Variants in SERTM1 observed in about 807,000 individuals in gnomAD.
SERTM1 encodes the protein serine rich and transmembrane domain containing 1, also known as serine-rich and transmembrane domain-containing protein 1.
In SERTM1, 1 loss-of-function variant was observed where a neutral mutation model predicts 5.5. The ratio of observed to expected loss-of-function variants is 0.18; its 90% CI spans 0.06 to 0.86. SERTM1 has a LOEUF of 0.86. Among genes scored for constraint, SERTM1 ranks in the 40% least tolerant of loss-of-function variants. The pLI, the probability that SERTM1 is intolerant of heterozygous loss-of-function variation, is 0.69. For missense variants in SERTM1, 91 were observed against 122.4 expected, an observed-to-expected ratio of 0.74 and a Z score of 1.21; for synonymous variants, 52 against 55.1, an observed-to-expected ratio of 0.94 and a Z score of 0.25.
intron 1 of SERTM1, among the ~76,000 whole-genome samples, chr13:36,682,373 G>A (rs2056710674): frequency 6.6e-6 from 1 of 152,202 alleles, no homozygotes; most frequent in South Asian, 2.1e-4. Flanking sequence ...AATGTAGTAA[G>A]TATAATAAAA....
At chr13:36,683,962 C>T (rs904305893) in intron 1 of SERTM1, among the ~76,000 whole-genome samples, 1 of 152,200 alleles carries the variant, frequency 6.6e-6, no homozygotes, top group African/African-American at 2.4e-5. Context: ...TGAATTCCAG[C>T]CCTGCCTCTA....
At chr13:36,674,623 C>G (rs982816570) in intron 1 of SERTM1, among the ~76,000 whole-genome samples, 10 of 152,180 alleles carry the variant, frequency 6.6e-5, no homozygotes, top group African/African-American at 2.4e-4. Context: ...TTTGCTTTTG[C>G]CTTTGTGGTG....
intron 1 of SERTM1, among the ~76,000 whole-genome samples, chr13:36,692,765 C>A (rs1344705953): frequency 6.6e-6 from 1 of 152,218 alleles, no homozygotes; most frequent in Non-Finnish European, 1.5e-5. Flanking sequence ...CAGATAGGAA[C>A]TAATTATCCA....
chr13:36,685,745 G>C (rs1263524940), intron 1 of SERTM1, among the ~76,000 whole-genome samples: 1 of 152,172 alleles, frequency 6.6e-6, no homozygotes, highest in African/African-American at 2.4e-5. Flanking sequence ...CTAGTTATAA[G>C]AGTTGTAAGG....
intron 1 of SERTM1, among the ~76,000 whole-genome samples, chr13:36,686,073 C>T (rs1016427935): frequency 6.6e-6 from 1 of 152,152 alleles, no homozygotes; most frequent in African/African-American, 2.4e-5. Context: ...CCTGGAGGCC[C>T]AGATGAGATT....
rs991080108 is a variant in SERTM1, at chr13:36,675,164, C to T, written c.-174+980C>T. Among the ~76,000 whole-genome samples, 5 of 152,302 alleles carry T rather than the reference C, an allele frequency of 3.3e-5. No individual in the cohort carries two copies. In the East Asian group the frequency reaches 9.6e-4, roughly 29 times the overall value. On this transcript the variant is annotated intron_variant, in intron 1 of 1. Coordinates refer to ENST00000315190, the MANE Select transcript of SERTM1 (RefSeq NM_203451.3). The stretch of plus-strand genomic sequence containing the variant: ...ATGGGGTCTGTTTGTTAGTGTCCTT[C>T]ATTTCCTCTCCCTGTTAATTTTTCT...
intron 1 of SERTM1, among the ~76,000 whole-genome samples, chr13:36,679,870 A>G (rs1049559137): frequency 2.6e-5 from 4 of 152,214 alleles, no homozygotes; most frequent in African/African-American, 9.6e-5. Context: ...AATTGTTCAC[A>G]TGGGTGGCTA....
At chr13:36,682,763 A>G (rs1235566171) in intron 1 of SERTM1, among the ~76,000 whole-genome samples, 5 of 152,248 alleles carry the variant, frequency 3.3e-5, no homozygotes, top group Non-Finnish European at 7.3e-5. Flanking sequence ...GCTGGCAACT[A>G]TACAAATTAT....
At chr13:36,688,973 C>T (rs906847073) in intron 1 of SERTM1, among the ~76,000 whole-genome samples, 1 of 152,212 alleles carries the variant, frequency 6.6e-6, no homozygotes, top group South Asian at 2.1e-4. Flanking sequence ...CAAGATGGGT[C>T]CAGTCTCCCT....
chr13:36,679,516 T>C (rs1209048052), intron 1 of SERTM1, among the ~76,000 whole-genome samples: 1 of 152,184 alleles, frequency 6.6e-6, no homozygotes. Flanking sequence ...CAAGCGATTC[T>C]CCTGTCTCAG....
intron 1 of SERTM1, among the ~76,000 whole-genome samples, chr13:36,684,620 C>T (rs1252947431): frequency 6.6e-6 from 1 of 151,794 alleles, no homozygotes; most frequent in African/African-American, 2.4e-5. Context: ...CCTCTTTCCT[C>T]TCTCCTGTAC....
intron 1 of SERTM1, among the ~76,000 whole-genome samples, chr13:36,683,257 T>G (rs1344922356): frequency 6.6e-6 from 1 of 152,214 alleles, no homozygotes; most frequent in African/African-American, 2.4e-5. Flanking sequence ...TAGCTAAATC[T>G]CATGCCCTTA....
intron 1 of SERTM1, among the ~76,000 whole-genome samples, chr13:36,687,947 G>A (rs1038230983): frequency 6.6e-6 from 1 of 151,804 alleles, no homozygotes; most frequent in African/African-American, 2.4e-5. Flanking sequence ...TAGTTTACAT[G>A]CAAAGGATTA....
At position 36,697,152 on chromosome 13, in the gene SERTM1, A is replaced by C. The variant is rs988876027; in HGVS notation, c.*1750A>C. ...GCTGCCCTAAAATGTATAATTAGTG[A>C]AAAATTTACCTCTGCTTCCATTTAA... On this transcript the variant is annotated 3_prime_UTR_variant, in exon 2 of 2. Transcript: ENST00000315190. 3 of 166,942 alleles carry C rather than the reference A, an allele frequency of 1.8e-5. No homozygotes were observed. Among genetic ancestry groups the C allele is most frequent in the African/African-American group, 7.2e-5 (3 of 41,396 alleles). 10.3% of individuals were successfully genotyped at this position (166,942 alleles called of 1,614,324 possible).
chr13:36,686,794 G>T (rs1172992823), intron 1 of SERTM1, among the ~76,000 whole-genome samples: 1 of 151,924 alleles, frequency 6.6e-6, no homozygotes, highest in Non-Finnish European at 1.5e-5. Context: ...TTTTTTAATT[G>T]ATCCAAGATC....
At chr13:36,689,232 G>A (rs113261040) in intron 1 of SERTM1, among the ~76,000 whole-genome samples, 10 of 152,024 alleles carry the variant, frequency 6.6e-5, no homozygotes, top group African/African-American at 1.7e-4. Context: ...ACATCCAGGC[G>A]TGGTGGCTCA....
At chr13:36,694,040 A>G (rs1361901356) in intron 1 of SERTM1, among the ~76,000 whole-genome samples, 1 of 152,118 alleles carries the variant, frequency 6.6e-6, no homozygotes, top group Admixed American at 6.6e-5. Flanking sequence ...CACACACTAA[A>G]GTCATTTTTT....
chr13:36,694,992 C>A lies in SERTM1; in HGVS notation c.-87C>A. On this transcript the variant is annotated 5_prime_UTR_variant, in exon 2 of 2. Transcript: ENST00000315190. ...AGCCTGTGAATTCTGCAAACACGAT[C>A]GTGAAAAAATGCCAATCTGTCCTGT... 2.1e-6 allele frequency: 2 copies of A among 941,722 alleles called. No individual in the cohort carries two copies. The highest frequency in any genetic ancestry group is 4.8e-5 in the East Asian group (2 of 41,460). The allele number at this position is 941,722 out of a possible 1,614,324, so 58.3% of individuals were successfully genotyped here. A position where few individuals can be genotyped will look rare whatever the true frequency, so the allele number is the denominator to read the frequency against.
At chr13:36,688,348 G>A (rs1330063761) in intron 1 of SERTM1, among the ~76,000 whole-genome samples, 1 of 151,972 alleles carries the variant, frequency 6.6e-6, no homozygotes, top group Non-Finnish European at 1.5e-5. Context: ...AAGTAACTGG[G>A]ACTACAGGCA....
Sources: allele counts gnomAD v4.1 joint callset (sites outside exome capture counted in the v4.1 genomes callset), GRCh38; gene constraint gnomAD v4.1.1; transcripts MANE v1.5; gene names NCBI Gene and HGNC (gene_info 2026-07-23, HGNC 2026-07-21).